The following EXOC4 variants were observed in gnomAD, a reference collection of about 807,000 sequenced individuals.
The protein encoded by EXOC4 is SEC8-like 1.
In EXOC4, 71 loss-of-function variants were observed where a neutral mutation model predicts 107.2. The observed-to-expected ratio is 0.66, with a 90% CI of 0.55 to 0.81. The LOEUF (loss-of-function observed/expected upper bound fraction) is 0.81, where lower values mean the gene tolerates loss of function less well. Ranked by LOEUF, EXOC4 falls within the 30% of genes least tolerant of loss-of-function variation. The pLI, the probability that EXOC4 is intolerant of heterozygous loss-of-function variation, is 0.00. For missense variants in EXOC4, 1,108 were observed against 1,189.6 expected, an observed-to-expected ratio of 0.93 and a Z score of 1.01; for synonymous variants, 456 against 441.2, an observed-to-expected ratio of 1.03 and a Z score of -0.42.
chr7:133,898,102 T>G (rs1007087537), intron 12 of EXOC4, among the ~76,000 whole-genome samples: 1 of 137,230 alleles, frequency 7.3e-6, no homozygotes, highest in Non-Finnish European at 1.5e-5. Flanking sequence ...ATAAGTGAAA[T>G]CATGCAATAT....
chr7:134,072,465 C>T, the EXOC4 span, among the ~76,000 whole-genome samples: 5 of 152,168 alleles, frequency 3.3e-5, no homozygotes, highest in African/African-American at 1.2e-4. Flanking sequence ...GGGTCTTAGG[C>T]CTGCTTCAGG....
chr7:133,721,845 C>G (rs1238508925), intron 10 of EXOC4, among the ~76,000 whole-genome samples: 5 of 152,192 alleles, frequency 3.3e-5, no homozygotes, highest in African/African-American at 1.2e-4. Context: ...TGATGATATT[C>G]TGGCTACTAT....
intron 14 of EXOC4, among the ~76,000 whole-genome samples, chr7:133,990,197 G>A (rs948752633): frequency 7.3e-5 from 11 of 151,670 alleles, no homozygotes; most frequent in East Asian, 3.9e-4. Context: ...TATAATTACC[G>A]TGTGGTACTG....
chr7:133,924,725 G>C (rs1236414225), intron 13 of EXOC4, among the ~76,000 whole-genome samples: 2 of 152,236 alleles, frequency 1.3e-5, no homozygotes, highest in Non-Finnish European at 2.9e-5. Flanking sequence ...TGCTCTCAAA[G>C]TAACCACTAT....
At chr7:133,614,789 C>CAAAA (rs35947572) in intron 9 of EXOC4, among the ~76,000 whole-genome samples, 6 of 61,680 alleles carry the variant, frequency 9.7e-5, no homozygotes, top group Non-Finnish European at 1.2e-4. Flanking sequence ...GTACATATGG[C>CAAAA]AAAAAAAAAA....
chr7:133,596,336 A>G (rs1801674603), intron 9 of EXOC4, among the ~76,000 whole-genome samples: 1 of 152,222 alleles, frequency 6.6e-6, no homozygotes, highest in African/African-American at 2.4e-5. Flanking sequence ...AAATAGGCTA[A>G]CTTTGTTTTA....
intron 7 of EXOC4, among the ~76,000 whole-genome samples, chr7:133,445,667 ATT>A (rs1798202861): frequency 1.3e-5 from 2 of 151,780 alleles, no homozygotes; most frequent in Non-Finnish European, 2.9e-5. Flanking sequence ...TCTCCTGGTA[ATT>A]CTAATGTGCA....
At chr7:133,644,975 A>G (rs1050623909) in intron 10 of EXOC4, among the ~76,000 whole-genome samples, 5 of 151,492 alleles carry the variant, frequency 3.3e-5, no homozygotes, top group Non-Finnish European at 7.4e-5. Context: ...TCCCCTTTGC[A>G]TCTTTGTATG....
At chr7:133,802,400 A>G (rs1196696325) in intron 10 of EXOC4, among the ~76,000 whole-genome samples, 1 of 152,194 alleles carries the variant, frequency 6.6e-6, no homozygotes, top group Non-Finnish European at 1.5e-5. Context: ...TGGCATTCCT[A>G]GCTTCTAGGG....
downstream of EXOC4, among the ~76,000 whole-genome samples, chr7:134,066,804 G>C (rs1393558634): frequency 6.6e-6 from 1 of 152,110 alleles, no homozygotes; most frequent in African/African-American, 2.4e-5. Context: ...CACATACACA[G>C]TTACGTAATG....
At chr7:133,772,463 G>A (rs574742621) in intron 10 of EXOC4, among the ~76,000 whole-genome samples, 1 of 151,722 alleles carries the variant, frequency 6.6e-6, no homozygotes, top group African/African-American at 2.4e-5. Context: ...GCACCAGCAC[G>A]GCACATGTAT....
chr7:133,404,475 C>G (rs1292538796), intron 7 of EXOC4, among the ~76,000 whole-genome samples: 1 of 152,014 alleles, frequency 6.6e-6, no homozygotes, highest in Non-Finnish European at 1.5e-5. Flanking sequence ...TTGAGTCTGG[C>G]CTTGGAAGCT....
At chr7:133,477,496 T>C (rs1433625610) in intron 8 of EXOC4, among the ~76,000 whole-genome samples, 11 of 152,224 alleles carry the variant, frequency 7.2e-5, no homozygotes, top group Non-Finnish European at 1.6e-4. Context: ...GGTGTCTCTT[T>C]GTATTGCTGA....
At chr7:133,547,848 G>A (rs1800512466) in intron 9 of EXOC4, among the ~76,000 whole-genome samples, 4 of 151,944 alleles carry the variant, frequency 2.6e-5, no homozygotes, top group Admixed American at 2.6e-4. Context: ...TCATCGATGA[G>A]GTTTGGAACC....
chr7:133,697,415 C>T (rs1794559981), intron 10 of EXOC4, among the ~76,000 whole-genome samples: 1 of 151,736 alleles, frequency 6.6e-6, no homozygotes, highest in Non-Finnish European at 1.5e-5. Context: ...CCCTTTTTTC[C>T]ATTGAGCATT....
intron 5 of EXOC4, among the ~76,000 whole-genome samples, chr7:133,350,039 T>G (rs1267639756): frequency 6.6e-6 from 1 of 152,146 alleles, no homozygotes; most frequent in Non-Finnish European, 1.5e-5. Flanking sequence ...ACTTTTTTGT[T>G]GAATTTAGGA....
chr7:133,770,056 G>C (rs1161555198), intron 10 of EXOC4, among the ~76,000 whole-genome samples: 1 of 142,868 alleles, frequency 7.0e-6, no homozygotes, highest in Non-Finnish European at 1.5e-5. Context: ...AACATGTGTA[G>C]CCATCTATAC....
intron 2 of EXOC4, among the ~76,000 whole-genome samples, chr7:133,283,395 G>C (rs1252964143): frequency 6.6e-6 from 1 of 152,136 alleles, no homozygotes; most frequent in Non-Finnish European, 1.5e-5. Flanking sequence ...CTTTTTAAAT[G>C]CTGAATGGTA....
intron 10 of EXOC4, among the ~76,000 whole-genome samples, chr7:133,715,727 C>T (rs1373247281): frequency 2.0e-5 from 3 of 152,030 alleles, no homozygotes; most frequent in East Asian, 1.9e-4. Context: ...AGACATTGTT[C>T]GTTGTTTTCT....
Sources: gnomAD v4.1 joint callset for allele counts (sites outside exome capture counted in the v4.1 genomes callset) on GRCh38, gnomAD v4.1.1 for gene constraint, MANE v1.5 for transcripts, NCBI Gene and HGNC (gene_info 2026-07-23, HGNC 2026-07-21) for gene names.